RNF10: variants seen among roughly 807,000 people sequenced by gnomAD.
The protein encoded by RNF10 is ring finger protein 10, also known as E3 ubiquitin-protein ligase RNF10.
RNF10 carries 38 observed loss-of-function variants against 91.4 expected under a neutral mutation model. The observed-to-expected ratio is 0.42, with a 90% CI of 0.32 to 0.54. The LOEUF is 0.54. Ranked by LOEUF, RNF10 falls within the 20% of genes least tolerant of loss-of-function variation. The pLI is 0.16. For missense variants in RNF10, 945 were observed against 1,012.0 expected (o/e 0.93, Z 0.90); for synonymous variants, 364 against 366.3 (o/e 0.99, Z 0.07).
intron 14 of RNF10, chr12:120,574,928 G>C (rs567208111): frequency 1.1e-4 from 18 of 167,360 alleles, no homozygotes; most frequent in African/African-American, 5.0e-4. Context: ...ACTCCATCTC[G>C]AACAAAACAA....
intron 1 of RNF10, among the ~76,000 whole-genome samples, chr12:120,537,588 A>T (rs1223890291): frequency 6.6e-6 from 1 of 152,106 alleles, no homozygotes; most frequent in Non-Finnish European, 1.5e-5. Flanking sequence ...AGATTGCACC[A>T]TTGCACTCCA....
At position 120,550,645 on chromosome 12, in the gene RNF10, A is replaced by G. The variant is rs1872913409; in HGVS notation, c.355-1854A>G. 4.0e-5 allele frequency among the ~76,000 whole-genome samples: 6 copies of G among 150,760 alleles called. No individual in the cohort carries two copies. In the South Asian group the frequency reaches 1.3e-3, roughly 31 times the overall value. On this transcript the variant is annotated intron_variant, in intron 2 of 16. Coordinates refer to ENST00000325954, the MANE Select transcript of RNF10 (RefSeq NM_014868.5). The stretch of plus-strand genomic sequence containing the variant: ...GAAGTCTCGCTCTGTCGTCCAGGCT[A>G]GAGTGCAGTGGCGTGATCTCGGCTC...
chr12:120,550,732 G>T (rs1313841372), intron 2 of RNF10, among the ~76,000 whole-genome samples: 2 of 151,426 alleles, frequency 1.3e-5, no homozygotes, highest in Non-Finnish European at 2.9e-5. Context: ...GAGTAGCTGG[G>T]ACTATAGGTG....
At chr12:120,555,443 A>G (rs1873835626) in intron 4 of RNF10, among the ~76,000 whole-genome samples, 1 of 150,848 alleles carries the variant, frequency 6.6e-6, no homozygotes. Context: ...TGGCCTCCCA[A>G]AGTGTTGGGG....
At chr12:120,556,194 A>G (rs539810318) in intron 4 of RNF10, among the ~76,000 whole-genome samples, 2 of 152,278 alleles carry the variant, frequency 1.3e-5, no homozygotes, top group South Asian at 4.1e-4. Flanking sequence ...TAATAATTTC[A>G]AAATGATGGG....
intron 1 of RNF10, among the ~76,000 whole-genome samples, chr12:120,536,350 AGGAAGT>A: frequency 6.6e-6 from 1 of 152,248 alleles, no homozygotes; most frequent in African/African-American, 2.4e-5. Flanking sequence ...CTTAAGCTCA[AGGAAGT>A]TGAGGCTGCG....
intron 13 of RNF10, 150 bp from the exon 14 acceptor site, chr12:120,571,041 A>C: frequency 3.3e-6 from 2 of 605,670 alleles, no homozygotes; most frequent in Non-Finnish European, 5.9e-6. Flanking sequence ...AGAACATGGA[A>C]GAGTTGAAAG....
At chr12:120,565,652 T>C (rs1875580640) in intron 12 of RNF10, 123 bp downstream of exon 12, 1 of 738,474 alleles carries the variant, frequency 1.4e-6, no homozygotes, top group Non-Finnish European at 2.3e-6. Context: ...ATGTGAATCA[T>C]GAGAGCACCT....
At chr12:120,576,067 C>T in intron 16 of RNF10, 117 bp downstream of exon 16, 3 of 1,030,074 alleles carry the variant, frequency 2.9e-6, no homozygotes, top group Non-Finnish European at 3.0e-6. Context: ...CTGAACCCTT[C>T]AGCACACTCT....
chr12:120,576,566 C>CTGTCCTAAGCT, intron 16 of RNF10, 24 bp from the exon 17 acceptor site: 1 of 1,609,778 alleles, frequency 6.2e-7, no homozygotes, highest in Non-Finnish European at 8.5e-7. Flanking sequence ...TTAAGTTAAG[C>CTGTCCTAAGCT]TGTCTTTCTG....
At chr12:120,535,012 C>T (rs1261523825) in intron 1 of RNF10, 44 bp downstream of exon 1, 1 of 1,534,540 alleles carries the variant, frequency 6.5e-7, no homozygotes, top group South Asian at 1.2e-5. Flanking sequence ...ACTGCCCCTG[C>T]TGCTGGGGAG....
chr12:120,556,424 G>T (rs900501254), intron 4 of RNF10, among the ~76,000 whole-genome samples: 34 of 150,068 alleles, frequency 2.3e-4, no homozygotes, highest in African/African-American at 8.3e-4. Context: ...ACAGCTACTT[G>T]GGAGGCTGAG....
At chr12:120,562,068 G>A (rs117747152) in intron 7 of RNF10, among the ~76,000 whole-genome samples, 9 of 151,890 alleles carry the variant, frequency 5.9e-5, no homozygotes, top group Non-Finnish European at 1.3e-4. Flanking sequence ...CCTGTGTCAT[G>A]GGGGTTTGTT....
chr12:120,541,493 G>A (rs2137133543), intron 1 of RNF10, among the ~76,000 whole-genome samples: 1 of 149,706 alleles, frequency 6.7e-6, no homozygotes, highest in Admixed American at 6.7e-5. Context: ...GGAATGCAGT[G>A]GCACGATCTC....
In RNF10 at chr12:120,557,414, T is replaced by G. The variant is rs1874204256; in HGVS notation, c.778T>G (p.Trp260Gly). The stretch of plus-strand genomic sequence containing the variant: ...CTATCTTTCACTGAGTGAGAAGACG[T>G]GGAGTAAATGTCCCATCTGTTACAG... ...LHYLSLSEKT[W>G]SKCPICYSSV... Residue 260 changes from tryptophan to glycine, a missense_variant, in exon 5 of 17, where the codon TGG (tryptophan) becomes GGG (glycine). Trp to Gly is a radical substitution (Grantham distance 184, BLOSUM62 -2). Transcript: ENST00000325954. The G allele has an allele frequency of 6.2e-7, 1 of 1,614,196 alleles. No individual in the cohort carries two copies. Among genetic ancestry groups the G allele is most frequent in the Non-Finnish European group, 8.5e-7 (1 of 1,180,036 alleles).
chr12:120,547,195 G>A (rs1872470641), intron 2 of RNF10, among the ~76,000 whole-genome samples: 1 of 152,156 alleles, frequency 6.6e-6, no homozygotes, highest in Non-Finnish European at 1.5e-5. Flanking sequence ...GGGATAGAGA[G>A]TAACAAGGAA....
intron 3 of RNF10, among the ~76,000 whole-genome samples, chr12:120,553,705 G>A (rs1393697718): frequency 1.3e-5 from 2 of 151,790 alleles, no homozygotes; most frequent in Non-Finnish European, 2.9e-5. Flanking sequence ...ACCCAACCAG[G>A]AAGAGAAAAT....
chr12:120,556,251 CT>C (rs1443504206), intron 4 of RNF10, among the ~76,000 whole-genome samples: 1 of 151,864 alleles, frequency 6.6e-6, no homozygotes, highest in African/African-American at 2.4e-5. Flanking sequence ...AGCTTGAACT[CT>C]CGCCGGGCGC....
Position 120,552,667 on chromosome 12 carries a change from C to T in RNF10, c.523C>T (p.Pro175Ser), listed in dbSNP as rs1873289601. 1 of 1,613,976 alleles carries T rather than the reference C, an allele frequency of 6.2e-7. No homozygotes were observed. Among genetic ancestry groups the T allele is most frequent in the Admixed American group, 1.7e-5 (1 of 59,990 alleles). The change falls in exon 3 of 17, where the codon CCT (proline) becomes TCT (serine). Residue 175 changes from proline (P) to serine (S), a missense_variant. Pro to Ser is a moderately conservative substitution (Grantham distance 74). Coordinates refer to ENST00000325954, the MANE Select transcript of RNF10 (RefSeq NM_014868.5). The stretch of plus-strand genomic sequence containing the variant: ...AAAGAGGAACAAGTGGGGACATAAG[C>T]CTTTTAACAAGGAACTCTTTTTACA... ...WGKRNKWGHK[P>S]FNKELFLQAN...
Sources: allele counts gnomAD v4.1 joint callset (sites outside exome capture counted in the v4.1 genomes callset), GRCh38; gene constraint gnomAD v4.1.1; transcripts MANE v1.5; gene names NCBI Gene and HGNC (gene_info 2026-07-23, HGNC 2026-07-21).